ALG9: variants seen among roughly 807,000 people sequenced by gnomAD.
ALG9 encodes ALG9 alpha-1,2-mannosyltransferase, also known as alpha-1,2-mannosyltransferase ALG9.
ALG9 carries 55 observed loss-of-function variants against 81.8 expected under a neutral mutation model. That is an observed-to-expected ratio of 0.67 (90% CI 0.54 to 0.84). The LOEUF (loss-of-function observed/expected upper bound fraction) is 0.84. ALG9 is among the 40% of genes least tolerant of loss of function. The pLI, the probability that ALG9 is intolerant of heterozygous loss-of-function variation, is 0.00. For synonymous variants in ALG9, 278 were observed against 274.3 expected (o/e 1.01, Z -0.13); for missense variants, 629 against 745.0 (o/e 0.84, Z 1.81).
chr11:111,826,007 G>A (rs982352367), intron 13 of ALG9, among the ~76,000 whole-genome samples: 180 of 151,046 alleles, frequency 1.2e-3, no homozygotes, highest in African/African-American at 4.0e-3. Flanking sequence ...CAGAGGTTGC[G>A]GTGAGCCGAG....
chr11:111,823,346 A>T lies in ALG9; in HGVS notation c.1602+12819T>A, dbSNP rs541120909. 4.2e-4 allele frequency among the ~76,000 whole-genome samples: 64 copies of T among 152,292 alleles called. 1 individual carries two copies. In the South Asian group the frequency reaches 0.013, roughly 31 times the overall value. ...CTTTGCTGATTCTACTCTTCTCTAAACTACTGCTGCTCATCATTACATACA... is the reference window on the plus strand; with the variant it reads ...CTTTGCTGATTCTACTCTTCTCTAATCTACTGCTGCTCATCATTACATACA... On this transcript the variant is annotated intron_variant, in intron 13 of 14. Transcript: ENST00000616540.
At chr11:111,862,833 A>G (rs1447802414) in intron 4 of ALG9, among the ~76,000 whole-genome samples, 3 of 151,960 alleles carry the variant, frequency 2.0e-5, no homozygotes, top group Admixed American at 2.0e-4. Context: ...TGTTAAATAT[A>G]CTTACATTAT....
chr11:111,870,679 C>A lies in ALG9; in HGVS notation c.132-309G>T, dbSNP rs907184934. 4 of 937,128 alleles carry A rather than the reference C, an allele frequency of 4.3e-6. No individual in the cohort carries two copies. In the African/African-American group the frequency reaches 7.1e-5, roughly 17 times the overall value. 58.1% of individuals were successfully genotyped at this position (937,128 alleles called of 1,614,324 possible). ...ATTGACTTTAATCACTCAATCACTC[C>A]TTCCACTTCCTGCTTTTAAGGCATA... On this transcript the variant is annotated intron_variant, in intron 1 of 14. Coordinates refer to ENST00000616540, the MANE Select transcript of ALG9 (RefSeq NM_024740.2).
chr11:111,820,509 C>A (rs1952157559), intron 13 of ALG9, among the ~76,000 whole-genome samples: 1 of 152,186 alleles, frequency 6.6e-6, no homozygotes, highest in Non-Finnish European at 1.5e-5. Context: ...TTAATCTATT[C>A]ATGAGGGCAG....
At chr11:111,835,996 C>T (rs1019829166) in intron 13 of ALG9, among the ~76,000 whole-genome samples, 169 bp downstream of exon 13, 5 of 152,132 alleles carry the variant, frequency 3.3e-5, no homozygotes, top group Admixed American at 6.5e-5. Flanking sequence ...AGCAATTATC[C>T]CGCCCGTCTC....
chr11:111,812,253 G>A (rs1950827446), intron 13 of ALG9, among the ~76,000 whole-genome samples: 1 of 152,124 alleles, frequency 6.6e-6, no homozygotes, highest in East Asian at 1.9e-4. Context: ...AGAAAGACAA[G>A]AATAGCCAAG....
Position 111,820,088 on chromosome 11 carries a change from G to A in ALG9, c.1603-10315C>T, listed in dbSNP as rs369870036. Among the ~76,000 whole-genome samples the A allele has an allele frequency of 1.1e-3, 171 of 152,280 alleles. 5 individuals are homozygous for A. The South Asian group carries it at 0.034, about 30-fold the overall frequency. On this transcript the variant is annotated intron_variant, in intron 13 of 14. Coordinates refer to ENST00000616540, the MANE Select transcript of ALG9 (RefSeq NM_024740.2). ...TAAATCTACTAAACAAAATCAAGGT[G>A]CTGGTGTCTGGTAAGGGCCTTCTCA...
intron 13 of ALG9, among the ~76,000 whole-genome samples, chr11:111,816,217 CA>C (rs1442919418): frequency 6.6e-6 from 1 of 151,808 alleles, no homozygotes; most frequent in Non-Finnish European, 1.5e-5. Context: ...GATCAAAAAG[CA>C]AAAAAGGAAT....
At chr11:111,809,873 G>GTTTGTTCCTCC in intron 13 of ALG9, 100 bp from the exon 14 acceptor site, 1 of 1,354,092 alleles carries the variant, frequency 7.4e-7, no homozygotes, top group Non-Finnish European at 1.1e-6. Context: ...AGCTTTGGAG[G>GTTTGTTCCTCC]AACAAACATC....
chr11:111,868,573 T>C, intron 3 of ALG9, 29 bp downstream of exon 3: 1 of 1,610,162 alleles, frequency 6.2e-7, no homozygotes, highest in Non-Finnish European at 8.5e-7. Flanking sequence ...TGATCAATTG[T>C]GATTGCTTCC....
chr11:111,821,309 TACTGCCCCAGTCAAACATCCTACTTGGC>T (rs1952328534), intron 13 of ALG9, among the ~76,000 whole-genome samples: 1 of 152,086 alleles, frequency 6.6e-6, no homozygotes, highest in African/African-American at 2.4e-5. Flanking sequence ...TTGACAGGTG[TACTGCCCCAGTCAAACATCCTACTTGGC>T]ACTGTCCCCA....
intron 13 of ALG9, among the ~76,000 whole-genome samples, chr11:111,831,211 T>C (rs1555113216): frequency 6.6e-6 from 1 of 152,132 alleles, no homozygotes; most frequent in African/African-American, 2.4e-5. Flanking sequence ...TGGCTAATTT[T>C]TGTATTTTTA....
chr11:111,771,100 T>C, the ALG9 span: 1 of 152,336 alleles, frequency 6.6e-6, no homozygotes, highest in Admixed American at 6.5e-5. Flanking sequence ...CCATCAACTC[T>C]TGCTCACATT....
the ALG9 span, chr11:111,771,078 T>C: frequency 6.6e-6 from 1 of 152,278 alleles, no homozygotes; most frequent in African/African-American, 2.4e-5. Flanking sequence ...TACAGGCAGA[T>C]GGGATCGACG....
chr11:111,811,730 G>A (rs1565771171), intron 13 of ALG9, among the ~76,000 whole-genome samples: 1 of 152,064 alleles, frequency 6.6e-6, no homozygotes, highest in Non-Finnish European at 1.5e-5. Flanking sequence ...TGCTGTGACT[G>A]AAAAAGGCCA....
intron 14 of ALG9, 120 bp downstream of exon 14, chr11:111,809,517 TACACAC>T (rs4026119): frequency 1.8e-5 from 17 of 939,472 alleles, no homozygotes; most frequent in Admixed American, 4.0e-5. Context: ...GAGACTCCAT[TACACAC>T]ACACACACAC....
At chr11:111,775,500 G>A in the ALG9 span, among the ~76,000 whole-genome samples, 1 of 152,124 alleles carries the variant, frequency 6.6e-6, no homozygotes, top group African/African-American at 2.4e-5. Flanking sequence ...CAGTGTTCTA[G>A]AAAAGCCCCT....
intron 5 of ALG9, 71 bp from the exon 6 acceptor site, chr11:111,857,808 CT>C: frequency 6.4e-7 from 1 of 1,571,342 alleles, no homozygotes. Context: ...CAATTAAAAA[CT>C]GATTAAAAAT....
chr11:111,794,995 A>C (rs1428642071), intron 14 of ALG9, among the ~76,000 whole-genome samples: 1 of 152,220 alleles, frequency 6.6e-6, no homozygotes, highest in Non-Finnish European at 1.5e-5. Context: ...AATAGTTTTT[A>C]ACAGGAAATG....
Sources: gnomAD v4.1 joint callset for allele counts (sites outside exome capture counted in the v4.1 genomes callset) on GRCh38, gnomAD v4.1.1 for gene constraint, MANE v1.5 for transcripts, NCBI Gene and HGNC (gene_info 2026-07-23, HGNC 2026-07-21) for gene names.